RPN2: variants seen among roughly 807,000 people sequenced by gnomAD.
The protein encoded by RPN2 is ribophorin II.
A neutral mutation model predicts 71.4 loss-of-function variants in RPN2; 29 were observed. The observed-to-expected ratio is 0.41, with a 90% confidence interval of 0.30 to 0.55. The LOEUF is 0.55. Among genes scored for constraint, RPN2 ranks in the 20% least tolerant of loss-of-function variants. The pLI, the probability that RPN2 is intolerant of heterozygous loss-of-function variation, is 0.35. For synonymous variants in RPN2, 308 were observed against 305.0 expected (o/e 1.01, Z -0.10); for missense variants, 726 against 774.1 (o/e 0.94, Z 0.74).
At position 37,198,598 on chromosome 20, in the gene RPN2, A is replaced by G. The variant is rs1186571771; in HGVS notation, c.303+106A>G. The G allele has an allele frequency of 9.1e-6, 14 of 1,533,008 alleles. No individual in the cohort carries two copies. In the Admixed American group the frequency reaches 2.8e-4, roughly 31 times the overall value. 95.0% of individuals were successfully genotyped at this position (1,533,008 alleles called of 1,614,324 possible). A position where few individuals can be genotyped will look rare whatever the true frequency, so the allele number is the denominator to read the frequency against. ...CTTTTTTTAATTATGAGAGTCCATT[A>G]TTGTGAGTGGGAATTCCATTCCTGT... On this transcript the variant is annotated intron_variant, in intron 3 of 16. Coordinates refer to ENST00000237530, the MANE Select transcript of RPN2 (RefSeq NM_002951.5).
chr20:37,208,558 T>C (rs1600789650), intron 7 of RPN2, among the ~76,000 whole-genome samples: 1 of 152,186 alleles, frequency 6.6e-6, no homozygotes, highest in African/African-American at 2.4e-5. Context: ...TAATTCTCAA[T>C]TAATTCTGGT....
At chr20:37,240,766 T>C (rs961095422) in intron 16 of RPN2, among the ~76,000 whole-genome samples, 1 of 152,196 alleles carries the variant, frequency 6.6e-6, no homozygotes, top group African/African-American at 2.4e-5. Context: ...TTTTTGAGAA[T>C]CTTTCTGTGT....
At chr20:37,193,553 G>A (rs1206396440) in intron 2 of RPN2, among the ~76,000 whole-genome samples, 2 of 152,166 alleles carry the variant, frequency 1.3e-5, no homozygotes, top group East Asian at 1.9e-4. Flanking sequence ...AGCTAGTATC[G>A]TGATTCACCT....
At chr20:37,202,555 T>C (rs560492411) in intron 4 of RPN2, among the ~76,000 whole-genome samples, 1 of 152,324 alleles carries the variant, frequency 6.6e-6, no homozygotes, top group African/African-American at 2.4e-5. Context: ...CCAGGGGGCC[T>C]CTCCTCTCCC....
At chr20:37,215,379 A>T (rs1311183096) in intron 9 of RPN2, among the ~76,000 whole-genome samples, 1 of 152,254 alleles carries the variant, frequency 6.6e-6, no homozygotes, top group Non-Finnish European at 1.5e-5. Flanking sequence ...CCTTTTTAGC[A>T]TGAGACATCT....
intron 10 of RPN2, 61 bp downstream of exon 10, chr20:37,224,030 C>T (rs1404501339): frequency 1.8e-5 from 25 of 1,405,456 alleles, no homozygotes; most frequent in Non-Finnish European, 2.4e-5. Context: ...GAGGAGTATG[C>T]CTAGGCACTG....
chr20:37,182,431 C>T (rs756510400), intron 1 of RPN2, among the ~76,000 whole-genome samples: 1 of 152,112 alleles, frequency 6.6e-6, no homozygotes, highest in Non-Finnish European at 1.5e-5. Flanking sequence ...CTCTTTCTCA[C>T]CCAGGGTGGA....
chr20:37,199,879 G>C (rs990364654), intron 4 of RPN2, among the ~76,000 whole-genome samples: 2 of 152,088 alleles, frequency 1.3e-5, no homozygotes, highest in Non-Finnish European at 2.9e-5. Flanking sequence ...TGTCACCCAG[G>C]CTGAAGTGCA....
intron 16 of RPN2, 93 bp downstream of exon 16, chr20:37,236,802 T>C: frequency 1.5e-6 from 2 of 1,357,594 alleles, no homozygotes. Flanking sequence ...GCAAAATGAT[T>C]TGTGTTCTTA....
At chr20:37,222,968 A>G (rs574668434) in intron 9 of RPN2, among the ~76,000 whole-genome samples, 2 of 152,350 alleles carry the variant, frequency 1.3e-5, no homozygotes, top group South Asian at 2.1e-4. Flanking sequence ...CAAACTCCCA[A>G]TCTCAGTGGC....
At position 37,203,933 on chromosome 20, in the gene RPN2, C is replaced by T; in HGVS notation, c.528C>T (p.Asp176=). The part of the protein sequence containing the change: ...QTASHLSQQA[D]LRSIVEEIED... ...CATCCCACCTGTCCCAGCAGGCTGA[C>T]CTGAGGAGCATCGTGGAGGAGATTG... The change falls in exon 5 of 17, where the codon GAC becomes GAT. Residue 176 remains aspartate, a synonymous_variant. Transcript: ENST00000237530. The T allele has an allele frequency of 6.2e-7, 1 of 1,614,044 alleles. No homozygotes were observed. Among genetic ancestry groups the T allele is most frequent in the Non-Finnish European group, 8.5e-7 (1 of 1,179,886 alleles).
intron 2 of RPN2, among the ~76,000 whole-genome samples, chr20:37,192,169 A>G (rs968654463): frequency 6.6e-6 from 1 of 152,144 alleles, no homozygotes; most frequent in Non-Finnish European, 1.5e-5. Context: ...ATGAGATAAT[A>G]AGTGTAAAGT....
chr20:37,211,868 G>A (rs2067679489), intron 8 of RPN2, among the ~76,000 whole-genome samples: 1 of 151,914 alleles, frequency 6.6e-6, no homozygotes, highest in Non-Finnish European at 1.5e-5. Flanking sequence ...CTCCTAAGTA[G>A]CTGGGATTAC....
intron 2 of RPN2, 120 bp downstream of exon 2, chr20:37,184,493 C>T (rs1281307972): frequency 2.1e-6 from 2 of 938,470 alleles, no homozygotes; most frequent in Non-Finnish European, 3.3e-6. Context: ...CAAGGTTAAT[C>T]CAATATAAGA....
chr20:37,227,059 C>T (rs891482147), intron 11 of RPN2, among the ~76,000 whole-genome samples: 1 of 152,234 alleles, frequency 6.6e-6, no homozygotes, highest in African/African-American at 2.4e-5. Flanking sequence ...ACTTGTGCCC[C>T]AGGAGCACGT....
intron 16 of RPN2, among the ~76,000 whole-genome samples, chr20:37,237,497 C>T (rs970423128): frequency 4.6e-5 from 7 of 152,182 alleles, no homozygotes; most frequent in African/African-American, 1.7e-4. Flanking sequence ...CAATAGTGTA[C>T]CCTCAACGTG....
intron 7 of RPN2, among the ~76,000 whole-genome samples, chr20:37,208,398 T>C (rs2067570222): frequency 6.6e-6 from 1 of 152,192 alleles, no homozygotes; most frequent in Non-Finnish European, 1.5e-5. Context: ...TTCTTTTTCA[T>C]ATTTTTTTGG....
chr20:37,207,394 T>C lies in RPN2; in HGVS notation c.812T>C (p.Val271Ala), dbSNP rs1568978105. 4 of 1,614,034 alleles carry C rather than the reference T, an allele frequency of 2.5e-6. No homozygotes were observed. Among genetic ancestry groups the C allele is most frequent in the African/African-American group, 2.7e-5 (2 of 74,938 alleles). ...VLSHNRYHVP[V>A]VVVPEGSASD... ...TCGCATAATCGCTACCACGTGCCAGTTGTGGTTGTGCCTGAGGGCTCTGCT... is the reference window on the plus strand; with the variant it reads ...TCGCATAATCGCTACCACGTGCCAGCTGTGGTTGTGCCTGAGGGCTCTGCT... Residue 271 changes from valine to alanine, a missense_variant, in exon 7 of 17, where the codon GTT becomes GCT. Coordinates refer to ENST00000237530, the MANE Select transcript of RPN2 (RefSeq NM_002951.5).
chr20:37,184,512 G>A (rs2066963225), intron 2 of RPN2, 139 bp downstream of exon 2: 1 of 854,296 alleles, frequency 1.2e-6, no homozygotes. Context: ...GAAATATTTG[G>A]CCAGGCGTGG....
Sources: allele counts gnomAD v4.1 joint callset (sites outside exome capture counted in the v4.1 genomes callset), GRCh38; gene constraint gnomAD v4.1.1; transcripts MANE v1.5; gene names NCBI Gene and HGNC (gene_info 2026-07-23, HGNC 2026-07-21).